Variants in NINL observed in about 807,000 individuals in gnomAD.
NINL encodes ninein-like protein.
In NINL, 153 loss-of-function variants were observed where a neutral mutation model predicts 160.3. That is an observed-to-expected ratio of 0.95 (90% CI 0.84 to 1.09). The LOEUF is 1.09. Among genes scored for constraint, NINL ranks in the 50% least tolerant of loss-of-function variants. The pLI, the probability that NINL is intolerant of heterozygous loss-of-function variation, is 0.00. For synonymous variants in NINL, 800 were observed against 734.8 expected (o/e 1.09, Z -1.43); for missense variants, 1,829 against 1,764.0 (o/e 1.04, Z -0.66).
At chr20:25,578,705 A>T (rs2065142416) in intron 1 of NINL, among the ~76,000 whole-genome samples, 1 of 151,116 alleles carries the variant, frequency 6.6e-6, no homozygotes, top group Admixed American at 6.6e-5. Flanking sequence ...AGGCAGGAGA[A>T]TGGCGTGAAC....
At chr20:25,542,263 A>G (rs1017252191) in intron 1 of NINL, among the ~76,000 whole-genome samples, 1 of 152,202 alleles carries the variant, frequency 6.6e-6, no homozygotes, top group Non-Finnish European at 1.5e-5. Flanking sequence ...AAGGGATGGG[A>G]ATACCTTTTG....
At chr20:25,516,553 T>C (rs1457998443) in intron 3 of NINL, among the ~76,000 whole-genome samples, 3 of 152,034 alleles carry the variant, frequency 2.0e-5, no homozygotes, top group Admixed American at 6.6e-5. Context: ...CCAGCACAGA[T>C]GGGAAAATAC....
Position 25,512,887 on chromosome 20 carries a change from G to A in NINL, c.397C>T (p.Gln133Ter). 2.5e-6 allele frequency: 4 copies of A among 1,614,206 alleles called. No homozygotes were observed. The highest frequency in any genetic ancestry group is 3.4e-6 in the Non-Finnish European group (4 of 1,180,028). Residue 133 changes from glutamine to a stop codon, truncating the protein, a stop_gained, in exon 4 of 24, where the codon CAG (glutamine) becomes TAG (stop). Transcript: ENST00000278886. LOFTEE classifies it high-confidence loss of function. ...EARRVPEQQT[Q>*]ASLKSHLWRS... Reference sequence around the variant, plus strand: ...CAGAGGTGACTTTTCAGGCTGGCCTGGGTTTGCTGCTCCGGCACGCGTCTG... The same window carrying A: ...CAGAGGTGACTTTTCAGGCTGGCCTAGGTTTGCTGCTCCGGCACGCGTCTG...
chr20:25,466,363 T>G (rs1193359063), intron 19 of NINL, among the ~76,000 whole-genome samples: 2 of 152,048 alleles, frequency 1.3e-5, no homozygotes, highest in Non-Finnish European at 2.9e-5. Context: ...CACATACACA[T>G]GCACACGTGA....
In NINL at chr20:25,489,859, C is replaced by G; in HGVS notation, c.1596+16G>C. ...GCCCTCCCCTCTGGAGGCAGACTGT[C>G]AGCAAAGGGACTCGCCTTGTCCTTC... On this transcript the variant is annotated intron_variant, in intron 12 of 23. Transcript: ENST00000278886. 6.2e-7 allele frequency: 1 copy of G among 1,612,356 alleles called. No homozygotes were observed. The highest frequency in any genetic ancestry group is 1.1e-5 in the South Asian group (1 of 91,046).
At chr20:25,525,664 G>A (rs537937091) in intron 2 of NINL, among the ~76,000 whole-genome samples, 11 of 152,018 alleles carry the variant, frequency 7.2e-5, no homozygotes, top group Non-Finnish European at 1.5e-4. Flanking sequence ...AAAAACAAAC[G>A]AAAAGAAAAT....
At chr20:25,565,707 T>C (rs571517216) in intron 1 of NINL, among the ~76,000 whole-genome samples, 2 of 152,338 alleles carry the variant, frequency 1.3e-5, no homozygotes, top group East Asian at 3.9e-4. Flanking sequence ...GAGTCTGTGA[T>C]GGTGTTTCCA....
Position 25,500,887 on chromosome 20 carries a change from C to T in NINL, c.985G>A (p.Ala329Thr). 6.2e-7 allele frequency: 1 copy of T among 1,614,178 alleles called. No homozygotes were observed. Residue 329 changes from alanine to threonine, a missense_variant, in exon 8 of 24, where the codon GCC (alanine) becomes ACC (threonine). Transcript: ENST00000278886. ...SGFAFPDQVL[A>T]MWTQEGIQNG... ...TGAATCCCCTCCTGGGTCCACATGG[C>T]CAGGACCTGATCAGGAAAAGCGAAG... is the stretch of plus-strand genomic sequence containing the variant.
chr20:25,453,611 A>T lies in NINL; in HGVS notation c.3989T>A (p.Leu1330Gln), dbSNP rs767202930. ...FEKNTKSDLLLKELYVENAHL... is the reference protein window; with the variant it reads ...FEKNTKSDLLQKELYVENAHL... ...GGCGTTCTCCACGTACAGCTCCTTC[A>T]GCAGCAGGTCGGACTTCGTGTTCTT... is the stretch of plus-strand genomic sequence containing the variant. Residue 1330 changes from leucine to glutamine, a missense_variant, in exon 24 of 24, where the codon CTG becomes CAG. By Grantham distance (113) the Leu-to-Gln change is moderately radical. Transcript: ENST00000278886. 2 of 1,611,050 alleles carry T rather than the reference A, an allele frequency of 1.2e-6. No homozygotes were observed. Among genetic ancestry groups the T allele is most frequent in the Admixed American group, 1.7e-5 (1 of 59,386 alleles).
At chr20:25,539,967 C>A in intron 1 of NINL, 1 of 1,206,052 alleles carries the variant, frequency 8.3e-7, no homozygotes, top group East Asian at 5.7e-5. Flanking sequence ...CCTGCGCAGG[C>A]GCCTCAGTGC....
chr20:25,522,020 C>T (rs2146939096), intron 2 of NINL, among the ~76,000 whole-genome samples: 1 of 152,280 alleles, frequency 6.6e-6, no homozygotes, highest in East Asian at 1.9e-4. Flanking sequence ...GATCCTCCAC[C>T]TTGGCCTCCT....
At position 25,585,478 on chromosome 20, in the gene NINL, C is replaced by A. The variant is rs1241499854; in HGVS notation, c.-35G>T. ...ACCTGGGAGGCGCCTCCGCCGTCCG[C>A]CCGCGCGGGGCCAGGAGCGCGGCAC... On this transcript the variant is annotated 5_prime_UTR_variant, in exon 1 of 24. Transcript: ENST00000278886. The A allele has an allele frequency of 3.9e-5, 6 of 152,350 alleles. No homozygotes were observed. In the East Asian group the frequency reaches 1.2e-3, roughly 29 times the overall value. The allele number at this position is 152,350 out of a possible 1,614,324, so 9.4% of individuals were successfully genotyped here.
At chr20:25,555,725 T>A (rs547451496) in intron 1 of NINL, among the ~76,000 whole-genome samples, 1 of 152,024 alleles carries the variant, frequency 6.6e-6, no homozygotes, top group Non-Finnish European at 1.5e-5. Flanking sequence ...CCCAGGCTGG[T>A]GTGCAATGGC....
At chr20:25,510,814 G>A in intron 4 of NINL, 74 bp from the exon 5 acceptor site, 1 of 1,147,944 alleles carries the variant, frequency 8.7e-7, no homozygotes, top group Non-Finnish European at 1.3e-6. Flanking sequence ...GGAACAAATA[G>A]AGCAGGATGT....
At chr20:25,458,627 G>A in intron 21 of NINL, 98 bp from the exon 22 acceptor site, 4 of 1,288,070 alleles carry the variant, frequency 3.1e-6, no homozygotes, top group Non-Finnish European at 4.2e-6. Context: ...GCAAGGGCAA[G>A]GAAAGCGTGT....
chr20:25,455,978 C>T (rs775435520), intron 22 of NINL, among the ~76,000 whole-genome samples, 192 bp from the exon 23 acceptor site: 1 of 152,080 alleles, frequency 6.6e-6, no homozygotes, highest in Non-Finnish European at 1.5e-5. Flanking sequence ...TACCTGTAAT[C>T]CCAGCTACTT....
chr20:25,508,189 A>T (rs2063998811), intron 5 of NINL, among the ~76,000 whole-genome samples: 1 of 152,248 alleles, frequency 6.6e-6, no homozygotes, highest in Non-Finnish European at 1.5e-5. Flanking sequence ...TACTGAGACA[A>T]AAGTTGAACA....
chr20:25,496,701 G>A lies in NINL; in HGVS notation c.1272C>T (p.Cys424=), dbSNP rs766630268. The A allele has an allele frequency of 6.2e-6, 10 of 1,614,102 alleles. No homozygotes were observed. Among genetic ancestry groups the A allele is most frequent in the Non-Finnish European group, 8.5e-6 (10 of 1,180,026 alleles). The change falls in exon 10 of 24, where the codon TGC becomes TGT. Residue 424 remains cysteine (C), a synonymous_variant. Coordinates refer to ENST00000278886, the MANE Select transcript of NINL (RefSeq NM_025176.6). ...CCGTGAGCTGCTCCAGGGTGGAGTGGCAGTCGTCCATCTCTTTCACAAACT... is the reference window on the plus strand; with the variant it reads ...CCGTGAGCTGCTCCAGGGTGGAGTGACAGTCGTCCATCTCTTTCACAAACT... ...NLEFVKEMDD[C]HSTLEQLTEK...
chr20:25,559,952 A>C (rs1402769475), intron 1 of NINL, among the ~76,000 whole-genome samples: 1 of 151,852 alleles, frequency 6.6e-6, no homozygotes, highest in African/African-American at 2.4e-5. Context: ...TGATTGATTG[A>C]GACAGGGTCT....
Sources: allele counts gnomAD v4.1 joint callset (sites outside exome capture counted in the v4.1 genomes callset), GRCh38; gene constraint gnomAD v4.1.1; transcripts MANE v1.5; gene names NCBI Gene and HGNC (gene_info 2026-07-23, HGNC 2026-07-21).